Variants in SLC40A1 observed in about 807,000 individuals in gnomAD.
SLC40A1 encodes the protein solute carrier family 40 member 1.
In SLC40A1, 16 loss-of-function variants were observed where a neutral mutation model predicts 53.5. The ratio of observed to expected loss-of-function variants is 0.30; its 90% CI spans 0.20 to 0.45. The LOEUF is 0.45. SLC40A1 is among the 20% of genes least tolerant of loss of function. SLC40A1 has a pLI of 1.00. For missense variants in SLC40A1, 545 were observed against 695.4 expected (o/e 0.78, Z 2.43); for synonymous variants, 247 against 253.2 (o/e 0.98, Z 0.23).
At chr2:189,567,275 A>C (rs1574239978) in intron 5 of SLC40A1, among the ~76,000 whole-genome samples, 2 of 152,172 alleles carry the variant, frequency 1.3e-5, no homozygotes, top group Non-Finnish European at 2.9e-5. Context: ...TTATGGGAGG[A>C]GAGAATTTAG....
At position 189,576,054 on chromosome 2, in the gene SLC40A1, C is replaced by T. The variant is rs527373026; in HGVS notation, c.112-734G>A. Among the ~76,000 whole-genome samples, 6 of 152,172 alleles carry T rather than the reference C, an allele frequency of 3.9e-5. No individual in the cohort carries two copies. In the South Asian group the frequency reaches 1.2e-3, roughly 32 times the overall value. On this transcript the variant is annotated intron_variant, in intron 2 of 7. Coordinates refer to ENST00000261024, the MANE Select transcript of SLC40A1 (RefSeq NM_014585.6). ...GCTACTTATTTCTTCACACAAACTC[C>T]GGAGAATATAGGGAATTTTGGAGTT...
At chr2:189,579,450 T>C (rs2031388836) in intron 2 of SLC40A1, among the ~76,000 whole-genome samples, 1 of 152,216 alleles carries the variant, frequency 6.6e-6, no homozygotes, top group South Asian at 2.1e-4. Context: ...TATTTTAAAA[T>C]GTGAAGAAGA....
chr2:189,579,767 T>TA, intron 2 of SLC40A1, 46 bp downstream of exon 2: 1 of 1,545,106 alleles, frequency 6.5e-7, no homozygotes, highest in Non-Finnish European at 8.9e-7. Flanking sequence ...CGAAAGGAAA[T>TA]AAAAAATTGC....
rs1215706491 is a variant in SLC40A1 at position 189,563,936 on chromosome 2, A to G, written c.1050T>C (p.Ala350=). The G allele has an allele frequency of 8.1e-6, 13 of 1,614,190 alleles. No homozygotes were observed. The South Asian group carries it at 1.3e-4, about 16-fold the overall frequency. The stretch of plus-strand genomic sequence containing the variant: ...CTACAGTTCCCATTATTCCAGTTAT[A>G]GCTGATGCTCCCATCAAAATACTGA... ...SILSILMGAS[A]ITGIMGTVAF... Residue 350 remains alanine (A), a synonymous_variant, in exon 7 of 8, where the codon GCT becomes GCC. Coordinates refer to ENST00000261024, the MANE Select transcript of SLC40A1 (RefSeq NM_014585.6).
Position 189,580,735 on chromosome 2 carries a change from G to T in SLC40A1, c.-275C>A. ...AGCGGTTTGGGAGGCTCAGCAGGTC[G>T]TCCGAGCCTAGCGGACGCCCTGAGC... On this transcript the variant is annotated 5_prime_UTR_variant, in exon 1 of 8. Coordinates refer to ENST00000261024, the MANE Select transcript of SLC40A1 (RefSeq NM_014585.6). 7.4e-7 allele frequency: 1 copy of T among 1,360,204 alleles called. No homozygotes were observed. Among genetic ancestry groups the T allele is most frequent in the Non-Finnish European group, 9.5e-7 (1 of 1,054,576 alleles). The allele number at this position is 1,360,204 out of a possible 1,614,324, so 84.3% of individuals were successfully genotyped here. A position where few individuals can be genotyped will look rare whatever the true frequency, so the allele number is the denominator to read the frequency against.
At chr2:189,562,907 A>G (rs893311931) in intron 7 of SLC40A1, among the ~76,000 whole-genome samples, 3 of 152,044 alleles carry the variant, frequency 2.0e-5, no homozygotes, top group African/African-American at 7.2e-5. Context: ...AGCCAAAAAC[A>G]TTACCTTTTT....
At chr2:189,563,337 T>C (rs1242499350) in intron 7 of SLC40A1, among the ~76,000 whole-genome samples, 1 of 151,230 alleles carries the variant, frequency 6.6e-6, no homozygotes, top group Non-Finnish European at 1.5e-5. Context: ...GAAAAAATTA[T>C]TTTCAAGCCT....
At chr2:189,569,334 C>T (rs956597561) in intron 5 of SLC40A1, among the ~76,000 whole-genome samples, 1 of 152,222 alleles carries the variant, frequency 6.6e-6, no homozygotes. Flanking sequence ...ACAGGTGAAG[C>T]CTTCCTGGCC....
At chr2:189,579,240 T>G (rs1406770474) in intron 2 of SLC40A1, among the ~76,000 whole-genome samples, 2 of 152,220 alleles carry the variant, frequency 1.3e-5, no homozygotes, top group Non-Finnish European at 2.9e-5. Flanking sequence ...TAGCCTCCAC[T>G]GCCCCAAACT....
intron 5 of SLC40A1, among the ~76,000 whole-genome samples, chr2:189,567,396 A>G (rs2030971776): frequency 6.6e-6 from 1 of 152,200 alleles, no homozygotes; most frequent in African/African-American, 2.4e-5. Context: ...AAGAAATGAT[A>G]CATGTTTGAG....
chr2:189,578,167 C>T (rs1439814), intron 2 of SLC40A1: 596,456 of 970,350 alleles, frequency 0.61, 186,404 homozygotes, highest in East Asian at 0.82. Flanking sequence ...TTTGTTGTAA[C>T]AAAATCAGGC....
intron 2 of SLC40A1, among the ~76,000 whole-genome samples, chr2:189,578,904 G>GGAT (rs2031376087): frequency 6.6e-6 from 1 of 152,070 alleles, no homozygotes; most frequent in Non-Finnish European, 1.5e-5. Flanking sequence ...CATGTCTTAA[G>GGAT]GATGATCCAA....
Position 189,562,150 on chromosome 2 carries a change from C to G in SLC40A1, c.1444G>C (p.Glu482Gln), listed in dbSNP as rs2030760187. 6.2e-7 allele frequency: 1 copy of G among 1,613,578 alleles called. No homozygotes were observed. The highest frequency in any genetic ancestry group is 1.7e-5 in the Admixed American group (1 of 59,990). ...CCTCTTTCAGATTCAATTACATTTT[C>G]TTGCAGCAACTGTGTCACAGTTAAA... ...FDLTVTQLLQ[E>Q]NVIESERGII... Residue 482 changes from glutamate to glutamine, a missense_variant, in exon 8 of 8, where the codon GAA (glutamate) becomes CAA (glutamine). Around this residue, in one of 4 missense-constraint regions of SLC40A1, gnomAD observed 234 missense variants for 299.0 expected, o/e 0.78. Coordinates refer to ENST00000261024, the MANE Select transcript of SLC40A1 (RefSeq NM_014585.6).
intron 2 of SLC40A1, chr2:189,578,110 T>TA (rs1282611966): frequency 7.4e-6 from 5 of 678,938 alleles, no homozygotes; most frequent in Non-Finnish European, 9.1e-6. Flanking sequence ...AAAATGCATA[T>TA]ATATATAATA....
At chr2:189,576,514 G>C (rs972347172) in intron 2 of SLC40A1, among the ~76,000 whole-genome samples, 1 of 152,136 alleles carries the variant, frequency 6.6e-6, no homozygotes, top group Non-Finnish European at 1.5e-5. Flanking sequence ...AGATGACTTT[G>C]CTTCTCCTAC....
At chr2:189,572,751 C>T in intron 4 of SLC40A1, 95 bp downstream of exon 4, 1 of 841,926 alleles carries the variant, frequency 1.2e-6, no homozygotes, top group Non-Finnish European at 2.0e-6. Flanking sequence ...AAAGGTCACA[C>T]TGGCCAAAAA....
In SLC40A1 at chr2:189,580,487, C is replaced by T; in HGVS notation, c.-27G>A. The T allele has an allele frequency of 6.2e-7, 1 of 1,612,948 alleles. No homozygotes were observed. The highest frequency in any genetic ancestry group is 8.5e-7 in the Non-Finnish European group (1 of 1,180,024). On this transcript the variant is annotated 5_prime_UTR_variant, in exon 1 of 8. Coordinates refer to ENST00000261024, the MANE Select transcript of SLC40A1 (RefSeq NM_014585.6). ...ACACTAGGCGACCCCGCTGGCTCTTCTGCGGCTGCTATCGCTGCTGCTGCT... is the reference window on the plus strand; with the variant it reads ...ACACTAGGCGACCCCGCTGGCTCTTTTGCGGCTGCTATCGCTGCTGCTGCT...
intron 1 of SLC40A1, among the ~76,000 whole-genome samples, 176 bp downstream of exon 1, chr2:189,580,242 T>G (rs1426430627): frequency 6.6e-6 from 1 of 152,166 alleles, no homozygotes; most frequent in Non-Finnish European, 1.5e-5. Context: ...CAAACCCCTT[T>G]TCCCACACCC....
At chr2:189,569,988 ACC>A (rs1174740053) in intron 5 of SLC40A1, among the ~76,000 whole-genome samples, 1 of 140,324 alleles carries the variant, frequency 7.1e-6, no homozygotes, top group Non-Finnish European at 1.6e-5. Context: ...ATATATACAC[ACC>A]TATATATGTA....
Sources: allele counts gnomAD v4.1 joint callset (sites outside exome capture counted in the v4.1 genomes callset), GRCh38; gene constraint gnomAD v4.1.1; regional missense constraint gnomAD v4.1.1; transcripts MANE v1.5; gene names NCBI Gene and HGNC (gene_info 2026-07-23, HGNC 2026-07-21).